NFIC: variants seen among roughly 807,000 people sequenced by gnomAD.
The protein encoded by NFIC is nuclear factor 1 C-type.
In NFIC, 12 loss-of-function variants were observed where a neutral mutation model predicts 54.4. The observed-to-expected ratio is 0.22, with a 90% confidence interval of 0.14 to 0.36. NFIC has a LOEUF of 0.36. Ranked by LOEUF, NFIC falls within the 10% of genes least tolerant of loss-of-function variation. The probability of loss-of-function intolerance (pLI) is 1.00; values close to 1 mark genes in which losing one functional copy is unlikely to be tolerated. For synonymous variants in NFIC, 322 were observed against 319.2 expected, an observed-to-expected ratio of 1.01 and a Z score of -0.09; for missense variants, 575 against 718.2, an observed-to-expected ratio of 0.80 and a Z score of 2.28.
At chr19:3,373,295 C>T (rs530564219) in intron 1 of NFIC, among the ~76,000 whole-genome samples, 29 of 152,302 alleles carry the variant, frequency 1.9e-4, no homozygotes, top group African/African-American at 6.7e-4. Flanking sequence ...AAGTAGGGGA[C>T]CCAGGGTTCA....
Position 3,455,363 on chromosome 19 carries a change from C to T in NFIC, c.1424-1187C>T, listed in dbSNP as rs570302531. ...GTAGACACTTAATAGATGCAGGATA[C>T]TGTGTAGGATCCACTCAGGGCTCGG... On this transcript the variant is annotated intron_variant, in intron 9 of 10. Coordinates refer to ENST00000443272, the MANE Select transcript of NFIC (RefSeq NM_001245002.2). 2.0e-4 allele frequency among the ~76,000 whole-genome samples: 30 copies of T among 151,118 alleles called. 1 individual carries two copies. Among genetic ancestry groups the T allele is most frequent in the Non-Finnish European group, 3.5e-4 (24 of 67,760 alleles).
intron 2 of NFIC, among the ~76,000 whole-genome samples, chr19:3,399,942 T>TG (rs2081528371): frequency 6.6e-6 from 1 of 152,134 alleles, no homozygotes; most frequent in Non-Finnish European, 1.5e-5. Flanking sequence ...CCCAGCCCTT[T>TG]GGGAGGCTGA....
chr19:3,424,771 C>T (rs1190964392), intron 2 of NFIC, among the ~76,000 whole-genome samples: 3 of 152,246 alleles, frequency 2.0e-5, no homozygotes, highest in African/African-American at 4.8e-5. Flanking sequence ...GGGATTTGAA[C>T]ATCAGTCTGT....
intron 2 of NFIC, among the ~76,000 whole-genome samples, chr19:3,418,713 G>A (rs2081907322): frequency 6.6e-6 from 1 of 152,154 alleles, no homozygotes; most frequent in South Asian, 2.1e-4. Flanking sequence ...TTAGCCAGGT[G>A]TGGTGGCAGG....
chr19:3,457,070 C>T (rs1236559768), intron 10 of NFIC, among the ~76,000 whole-genome samples: 8 of 152,154 alleles, frequency 5.3e-5, no homozygotes, highest in Non-Finnish European at 8.8e-5. Flanking sequence ...GCGGGGTGGC[C>T]GGGGGAAACT....
At chr19:3,387,273 A>G (rs572161264) in intron 2 of NFIC, among the ~76,000 whole-genome samples, 327 of 152,320 alleles carry the variant, frequency 2.1e-3, no homozygotes, top group African/African-American at 7.7e-3. Flanking sequence ...AGGCCGAGGC[A>G]GGCGGATCAC....
intron 2 of NFIC, among the ~76,000 whole-genome samples, chr19:3,412,355 C>T (rs1293534942): frequency 2.0e-5 from 3 of 152,168 alleles, no homozygotes; most frequent in Non-Finnish European, 4.4e-5. Flanking sequence ...TCAAGCCATC[C>T]CCACCTCAGC....
upstream of NFIC, among the ~76,000 whole-genome samples, chr19:3,362,222 T>G (rs2080820699): frequency 6.6e-6 from 1 of 152,084 alleles, no homozygotes; most frequent in Non-Finnish European, 1.5e-5. Context: ...CTTGTGGGTG[T>G]GTGTGTGCTT....
intron 10 of NFIC, among the ~76,000 whole-genome samples, chr19:3,462,084 G>GTT (rs1355834881): frequency 6.8e-6 from 1 of 146,684 alleles, no homozygotes; most frequent in Non-Finnish European, 1.5e-5. Flanking sequence ...ATATAATAAA[G>GTT]TAAGATTGAG....
chr19:3,425,328 G>A (rs2082011149), intron 3 of NFIC, 151 bp downstream of exon 3: 3 of 930,984 alleles, frequency 3.2e-6, no homozygotes, highest in East Asian at 2.7e-5. Flanking sequence ...GGGCTACCAG[G>A]GAGCTGGGTT....
At chr19:3,405,142 C>A (rs1378146984) in intron 2 of NFIC, among the ~76,000 whole-genome samples, 1 of 152,222 alleles carries the variant, frequency 6.6e-6, no homozygotes, top group Admixed American at 6.5e-5. Context: ...CCGGCCCAGG[C>A]GGCCCGGCGG....
In NFIC at chr19:3,453,865, A is replaced by G. The variant is rs980374636; in HGVS notation, c.1372A>G (p.Thr458Ala). The G allele has an allele frequency of 7.0e-6, 11 of 1,564,114 alleles. No homozygotes were observed. Among genetic ancestry groups the G allele is most frequent in the African/African-American group, 1.4e-5 (1 of 72,868 alleles). The change falls in exon 9 of 11, where the codon ACC becomes GCC. Residue 458 changes from threonine to alanine, a missense_variant. Transcript: ENST00000443272. The surrounding 1 kb of genome is among the most constrained non-coding windows in gnomAD (Gnocchi z 6.7). ...GCCACGGCTGGCGCTCCCCCCTGCCACCAAACCCGCCACCACCTCCGAGGG... is the reference window on the plus strand; with the variant it reads ...GCCACGGCTGGCGCTCCCCCCTGCCGCCAAACCCGCCACCACCTCCGAGGG... The part of the protein sequence containing the change: ...GLPRLALPPA[T>A]KPATTSEGGA...
intron 2 of NFIC, among the ~76,000 whole-genome samples, chr19:3,404,222 G>GA (rs34502864): frequency 0.97 from 147,542 of 152,022 alleles, 71,601 homozygotes; most frequent in East Asian, 0.98. Flanking sequence ...TTGGCTGCTG[G>GA]GAAGCCAAGA....
At chr19:3,373,446 G>A (rs1349612647) in intron 1 of NFIC, among the ~76,000 whole-genome samples, 1 of 150,924 alleles carries the variant, frequency 6.6e-6, no homozygotes, top group East Asian at 2.0e-4. Context: ...TTTCCCCCTT[G>A]CTCATTCTGC....
intron 3 of NFIC, among the ~76,000 whole-genome samples, chr19:3,428,166 C>T (rs753361571): frequency 1.2e-4 from 15 of 120,208 alleles, no homozygotes; most frequent in Non-Finnish European, 2.6e-4. Context: ...GTAAAAACTC[C>T]GTCTCAAAAA....
intron 6 of NFIC, among the ~76,000 whole-genome samples, chr19:3,446,251 C>T (rs1373012590): frequency 6.6e-6 from 1 of 152,230 alleles, no homozygotes; most frequent in Non-Finnish European, 1.5e-5. Context: ...CCTGGGACCA[C>T]AGCAGGGCAG....
intron 6 of NFIC, 104 bp from the exon 7 acceptor site, chr19:3,448,910 G>T (rs983727240): frequency 6.7e-7 from 1 of 1,481,910 alleles, no homozygotes; most frequent in Non-Finnish European, 9.0e-7. Flanking sequence ...AAGAGGAGGC[G>T]GGGTGATGAG....
At chr19:3,412,715 C>T (rs1240401790) in intron 2 of NFIC, among the ~76,000 whole-genome samples, 1 of 152,216 alleles carries the variant, frequency 6.6e-6, no homozygotes, top group Non-Finnish European at 1.5e-5. Flanking sequence ...ATACCTAGGA[C>T]AGAGCCTGAC....
In NFIC at chr19:3,453,056, G is replaced by A. The variant is rs182634678; in HGVS notation, c.1269+390G>A. 8.5e-5 allele frequency among the ~76,000 whole-genome samples: 13 copies of A among 152,282 alleles called. No individual in the cohort carries two copies. The highest frequency in any genetic ancestry group is 2.6e-4 in the African/African-American group (11 of 41,566). On this transcript the variant is annotated intron_variant, in intron 8 of 10. Coordinates refer to ENST00000443272, the MANE Select transcript of NFIC (RefSeq NM_001245002.2). This position sits in a 1 kb window ranked among gnomAD's most constrained non-coding sequence, Gnocchi z 6.7. ...TCAAGACCAACCTGGGCAGCATAGCGTGACCCAGTTTCTACAAAAAAAATA... is the reference window on the plus strand; with the variant it reads ...TCAAGACCAACCTGGGCAGCATAGCATGACCCAGTTTCTACAAAAAAAATA...
Sources: gnomAD v4.1 joint callset for allele counts (sites outside exome capture counted in the v4.1 genomes callset) on GRCh38, gnomAD v4.1.1 for gene constraint, Gnocchi (gnomAD v3.1) non-coding constraint, MANE v1.5 for transcripts, NCBI Gene and HGNC (gene_info 2026-07-23, HGNC 2026-07-21) for gene names.